The following TPPP variants were observed in gnomAD, a reference collection of about 807,000 sequenced individuals.
TPPP encodes tubulin polymerization-promoting protein.
A neutral mutation model predicts 15.5 loss-of-function variants in TPPP; 6 were observed. The ratio of observed to expected loss-of-function variants is 0.39; its 90% confidence interval spans 0.21 to 0.77. The LOEUF (loss-of-function observed/expected upper bound fraction) is 0.77. TPPP is among the 30% of genes least tolerant of loss of function. TPPP has a pLI of 0.42. For synonymous variants in TPPP, 146 were observed against 133.9 expected (o/e 1.09, Z -0.63); for missense variants, 269 against 307.2 (o/e 0.88, Z 0.93).
At chr5:674,789 ACAG>A (rs1740345621) in intron 2 of TPPP, among the ~76,000 whole-genome samples, 1 of 151,660 alleles carries the variant, frequency 6.6e-6, no homozygotes, top group African/African-American at 2.4e-5. Context: ...CCAGCAGGGG[ACAG>A]TGGGCTGGTC....
In TPPP at chr5:662,432, T is replaced by C. The variant is rs11738281; in HGVS notation, c.*2670A>G. 0.14 allele frequency: 21,256 copies of C among 152,362 alleles called. 1,893 individuals carry two copies. Among genetic ancestry groups the C allele is most frequent in the Admixed American group, 0.22 (3,345 of 15,288 alleles). 9.4% of individuals were successfully genotyped at this position (152,362 alleles called of 1,614,324 possible). A position where few individuals can be genotyped will look rare whatever the true frequency, so the allele number is the denominator to read the frequency against. ...TGGTGCCCAGCACCTCTCCTCAGTG[T>C]CCCTCGTCCCCACAGACCGGATCAG... On this transcript the variant is annotated 3_prime_UTR_variant, in exon 4 of 4. Coordinates refer to ENST00000360578, the MANE Select transcript of TPPP (RefSeq NM_007030.3).
upstream of TPPP, among the ~76,000 whole-genome samples, chr5:697,868 C>CAAAA (rs1741042679): frequency 6.9e-6 from 1 of 145,028 alleles, no homozygotes; most frequent in Non-Finnish European, 1.5e-5. Flanking sequence ...CAAAACCAGA[C>CAAAA]AAAGGCGCAA....
At position 664,984 on chromosome 5, in the gene TPPP, C is replaced by T; in HGVS notation, c.*118G>A. 2 of 1,286,456 alleles carry T rather than the reference C, an allele frequency of 1.6e-6. No homozygotes were observed. The highest frequency in any genetic ancestry group is 2.8e-5 in the South Asian group (2 of 70,288). The allele number at this position is 1,286,456 out of a possible 1,614,324, so 79.7% of individuals were successfully genotyped here. ...GGCCTGGGCCTGGCCGCCCCCCAGCCCCCTCTGGGGCACCCGTCTGAGTTC... is the reference window on the plus strand; with the variant it reads ...GGCCTGGGCCTGGCCGCCCCCCAGCTCCCTCTGGGGCACCCGTCTGAGTTC... On this transcript the variant is annotated 3_prime_UTR_variant, in exon 4 of 4. Coordinates refer to ENST00000360578, the MANE Select transcript of TPPP (RefSeq NM_007030.3).
upstream of TPPP, among the ~76,000 whole-genome samples, chr5:693,870 C>T (rs1561097378): frequency 6.7e-6 from 1 of 149,542 alleles, no homozygotes; most frequent in Non-Finnish European, 1.5e-5. Flanking sequence ...CAGGGCCGGG[C>T]TGTGAGGGTG....
chr5:698,456 C>T, the TPPP span, among the ~76,000 whole-genome samples: 19 of 152,142 alleles, frequency 1.2e-4, no homozygotes, highest in African/African-American at 4.6e-4. Flanking sequence ...ATGCCTGAGA[C>T]TGGGTAATTT....
chr5:665,092 G>A lies in TPPP; in HGVS notation c.*10C>T. 2 of 1,606,336 alleles carry A rather than the reference G, an allele frequency of 1.2e-6. No individual in the cohort carries two copies. Among genetic ancestry groups the A allele is most frequent in the East Asian group, 2.2e-5 (1 of 44,848 alleles). ...GGACACCGGCAGTGCCGCGAGGCATGGAGCGGGGGCTACTTGCCCCCTTGC... is the reference window on the plus strand; with the variant it reads ...GGACACCGGCAGTGCCGCGAGGCATAGAGCGGGGGCTACTTGCCCCCTTGC... On this transcript the variant is annotated 3_prime_UTR_variant, in exon 4 of 4. Transcript: ENST00000360578.
In TPPP at chr5:687,060, C is replaced by CAT. The variant is rs1020346535; in HGVS notation, c.-5+6217_-5+6218insAT. ...CCTGGTGCTGTTACAGCAACACACA[C>CAT]GGACTAACACAGTCGCCATGAGGCC... On this transcript the variant is annotated intron_variant, in intron 1 of 3. Transcript: ENST00000360578. Among the ~76,000 whole-genome samples, 7 of 124,530 alleles carry CAT rather than the reference C, an allele frequency of 5.6e-5. 2 individuals carry two copies. The highest frequency in any genetic ancestry group is 1.1e-4 in the Non-Finnish European group (6 of 54,492). 81.7% of individuals were successfully genotyped at this position (124,530 alleles called of 152,430 possible). A position where few individuals can be genotyped will look rare whatever the true frequency, so the allele number is the denominator to read the frequency against.
intron 1 of TPPP, among the ~76,000 whole-genome samples, chr5:680,610 GA>G (rs1561090894): frequency 2.7e-5 from 4 of 150,764 alleles, no homozygotes; most frequent in African/African-American, 9.8e-5. Context: ...GGGAAAAGTG[GA>G]ACCCGTCCCA....
Position 693,138 on chromosome 5 carries a change from G to C in TPPP, c.-5+140C>G, listed in dbSNP as rs1429952051. ...AATCCGGGGGCTCAGGGACGCGCGG[G>C]GCGGTCCGGGAAGGGGGCTCGGGGG... On this transcript the variant is annotated intron_variant, in intron 1 of 3. Coordinates refer to ENST00000360578, the MANE Select transcript of TPPP (RefSeq NM_007030.3). 4 of 71,294 alleles carry C rather than the reference G, an allele frequency of 5.6e-5. 2 individuals carry two copies. In the South Asian group the frequency reaches 1.7e-3, roughly 30 times the overall value. The allele number at this position is 71,294 out of a possible 1,614,324, so 4.4% of individuals were successfully genotyped here. A position where few individuals can be genotyped will look rare whatever the true frequency, so the allele number is the denominator to read the frequency against.
intron 2 of TPPP, among the ~76,000 whole-genome samples, chr5:673,008 A>G (rs1179805604): frequency 6.6e-6 from 1 of 152,154 alleles, no homozygotes; most frequent in East Asian, 1.9e-4. Context: ...GAAAACAGAA[A>G]TCGGTAGACT....
chr5:691,573 C>A (rs1212391329), intron 1 of TPPP, among the ~76,000 whole-genome samples: 2 of 61,636 alleles, frequency 3.2e-5, no homozygotes, highest in African/African-American at 6.7e-5. Context: ...GCCCCCCAAC[C>A]CCCATCAAAA....
At chr5:682,207 T>A (rs1191858466) in intron 1 of TPPP, among the ~76,000 whole-genome samples, 1 of 147,248 alleles carries the variant, frequency 6.8e-6, no homozygotes, top group Non-Finnish European at 1.5e-5. Context: ...CGGGTGTCCA[T>A]GTGGCATCAG....
At chr5:681,143 T>C (rs1170168255) in intron 1 of TPPP, among the ~76,000 whole-genome samples, 2 of 152,246 alleles carry the variant, frequency 1.3e-5, no homozygotes, top group African/African-American at 2.4e-5. Flanking sequence ...CAGCTGCTTC[T>C]CCTTGGATGG....
Position 664,968 on chromosome 5 carries a change from C to A in TPPP, c.*134G>T. ...GGAGGGGCAGGAGGGAGGCCTGGGC[C>A]TGGCCGCCCCCCAGCCCCCTCTGGG... On this transcript the variant is annotated 3_prime_UTR_variant, in exon 4 of 4. Coordinates refer to ENST00000360578, the MANE Select transcript of TPPP (RefSeq NM_007030.3). 9.3e-7 allele frequency: 1 copy of A among 1,075,874 alleles called. No homozygotes were observed. 66.6% of individuals were successfully genotyped at this position (1,075,874 alleles called of 1,614,324 possible).
chr5:675,113 CG>C (rs1467945084), intron 2 of TPPP, among the ~76,000 whole-genome samples: 3 of 56,974 alleles, frequency 5.3e-5, no homozygotes, highest in Non-Finnish European at 7.5e-5. Flanking sequence ...GGGTGCAGCA[CG>C]GGGGGTACAG....
upstream of TPPP, among the ~76,000 whole-genome samples, chr5:696,891 TA>T (rs1741022631): frequency 6.0e-5 from 9 of 149,272 alleles, no homozygotes; most frequent in South Asian, 8.7e-4. Flanking sequence ...TCTCTGTGTG[TA>T]TGAGTGTGTC....
chr5:699,764 G>A, the TPPP span, among the ~76,000 whole-genome samples: 1 of 150,762 alleles, frequency 6.6e-6, no homozygotes, highest in Non-Finnish European at 1.5e-5. Context: ...AACCAAATAA[G>A]CCCATTAAAA....
chr5:677,165 C>G (rs1740479366), intron 2 of TPPP, among the ~76,000 whole-genome samples: 1 of 152,256 alleles, frequency 6.6e-6, no homozygotes, highest in Non-Finnish European at 1.5e-5. Context: ...CATTTTGCCG[C>G]CCGTGGGAAT....
chr5:670,044 C>T (rs1740154114), intron 2 of TPPP, among the ~76,000 whole-genome samples: 1 of 151,982 alleles, frequency 6.6e-6, no homozygotes, highest in Non-Finnish European at 1.5e-5. Context: ...ATACACGATG[C>T]CCTGCGGGGC....
Sources: allele counts gnomAD v4.1 joint callset (sites outside exome capture counted in the v4.1 genomes callset), GRCh38; gene constraint gnomAD v4.1.1; transcripts MANE v1.5; gene names NCBI Gene and HGNC (gene_info 2026-07-23, HGNC 2026-07-21).